The following KCNK2 variants were observed in gnomAD, a reference collection of about 807,000 sequenced individuals.
The protein encoded by KCNK2 is potassium channel subfamily K member 2.
In KCNK2, 21 loss-of-function variants were observed where a neutral mutation model predicts 40.5. The ratio of observed to expected loss-of-function variants is 0.52; its 90% CI spans 0.37 to 0.75. The LOEUF (loss-of-function observed/expected upper bound fraction) is 0.75. KCNK2 is among the 30% of genes least tolerant of loss of function. The pLI is 0.00. For missense variants in KCNK2, 399 were observed against 531.6 expected, an observed-to-expected ratio of 0.75 and a Z score of 2.45; for synonymous variants, 191 against 202.2, an observed-to-expected ratio of 0.94 and a Z score of 0.47.
At chr1:215,205,086 G>A (rs191406693) in intron 6 of KCNK2, among the ~76,000 whole-genome samples, 2 of 152,254 alleles carry the variant, frequency 1.3e-5, no homozygotes, top group East Asian at 3.9e-4. Flanking sequence ...TCCAGCAAAA[G>A]TGCTAGTCAT....
intron 1 of KCNK2, among the ~76,000 whole-genome samples, chr1:215,010,180 A>AAAAACAT (rs1310656687): frequency 6.6e-6 from 1 of 152,228 alleles, no homozygotes; most frequent in Non-Finnish European, 1.5e-5. Context: ...GGTGCAAGAG[A>AAAAACAT]AAAACATATA....
At chr1:215,053,299 T>C (rs12118830) in intron 1 of KCNK2, among the ~76,000 whole-genome samples, 1 of 152,086 alleles carries the variant, frequency 6.6e-6, no homozygotes, top group Non-Finnish European at 1.5e-5. Flanking sequence ...CAGTGACTGA[T>C]GCATCTTCCC....
chr1:215,061,760 A>T (rs1011469785), intron 1 of KCNK2, among the ~76,000 whole-genome samples: 1 of 151,934 alleles, frequency 6.6e-6, no homozygotes, highest in African/African-American at 2.4e-5. Flanking sequence ...TTTTTTTTTA[A>T]AAAAAATTTC....
chr1:215,156,056 G>A (rs1662905237), intron 3 of KCNK2, among the ~76,000 whole-genome samples: 1 of 128,382 alleles, frequency 7.8e-6, no homozygotes, highest in African/African-American at 2.8e-5. Context: ...TATATTATAG[G>A]TAGTCTGTGT....
chr1:215,218,515 TGTC>T (rs1477970826), intron 6 of KCNK2, among the ~76,000 whole-genome samples: 10 of 152,228 alleles, frequency 6.6e-5, no homozygotes, highest in Non-Finnish European at 1.3e-4. Context: ...TTCCTGATGC[TGTC>T]TTCTTTCTCA....
At chr1:215,145,626 A>G (rs1170742056) in intron 3 of KCNK2, among the ~76,000 whole-genome samples, 1 of 152,202 alleles carries the variant, frequency 6.6e-6, no homozygotes, top group Non-Finnish European at 1.5e-5. Context: ...ATATAGTTCT[A>G]TCAGTTTACT....
chr1:215,049,384 T>G, intron 1 of KCNK2, among the ~76,000 whole-genome samples: 1 of 152,168 alleles, frequency 6.6e-6, no homozygotes, highest in Non-Finnish European at 1.5e-5. Context: ...TTATATATTA[T>G]AGATACTAGT....
chr1:215,163,767 G>A lies in KCNK2; in HGVS notation c.476-5432G>A, dbSNP rs904369195. Reference sequence around the variant, plus strand: ...ACCAGACTTGCATCCCAGGGATGAAGCCGACTTGATCGTGGTGGATAAGCT... The same window carrying A: ...ACCAGACTTGCATCCCAGGGATGAAACCGACTTGATCGTGGTGGATAAGCT... On this transcript the variant is annotated intron_variant, in intron 3 of 6. Transcript: ENST00000444842. 2.0e-5 allele frequency among the ~76,000 whole-genome samples: 3 copies of A among 152,290 alleles called. No homozygotes were observed. The East Asian group carries it at 5.8e-4, about 29-fold the overall frequency.
intron 2 of KCNK2, among the ~76,000 whole-genome samples, chr1:215,103,408 A>T (rs1660303804): frequency 6.6e-6 from 1 of 152,060 alleles, no homozygotes; most frequent in African/African-American, 2.4e-5. Context: ...TTTATTTTGT[A>T]TTAAAAATCT....
chr1:215,232,380 A>G (rs1347536783), intron 6 of KCNK2, among the ~76,000 whole-genome samples: 2 of 152,226 alleles, frequency 1.3e-5, no homozygotes, highest in Non-Finnish European at 2.9e-5. Context: ...CAAAATGTTG[A>G]TGACAATTGA....
chr1:215,135,477 T>C (rs1012304980), intron 3 of KCNK2, among the ~76,000 whole-genome samples: 4 of 152,012 alleles, frequency 2.6e-5, no homozygotes, highest in Non-Finnish European at 5.9e-5. Flanking sequence ...TGTAAGCCAA[T>C]ATTATTTTTT....
intron 1 of KCNK2, among the ~76,000 whole-genome samples, chr1:215,058,057 G>A (rs1157267108): frequency 6.6e-6 from 1 of 152,066 alleles, no homozygotes; most frequent in Non-Finnish European, 1.5e-5. Context: ...GAGTGGGAAA[G>A]TAGACTATGA....
Position 215,086,504 on chromosome 1 carries a change from G to C in KCNK2, c.183G>C (p.Thr61=), listed in dbSNP as rs375389536. Residue 61 remains threonine (T), a synonymous_variant, in exon 2 of 7, where the codon ACG becomes ACC. Transcript: ENST00000444842. ...DTTINVMKWK[T]VSTIFLVVVL... ...CCATTAATGTTATGAAATGGAAGAC[G>C]GTCTCCACGATATTCCTGGTGGTTG... 36 of 1,613,988 alleles carry C rather than the reference G, an allele frequency of 2.2e-5. 1 individual carries two copies. The Admixed American group carries it at 3.5e-4, about 16-fold the overall frequency.
At chr1:215,133,128 G>T (rs1661748586) in intron 3 of KCNK2, among the ~76,000 whole-genome samples, 1 of 152,208 alleles carries the variant, frequency 6.6e-6, no homozygotes. Flanking sequence ...TTGCATATTG[G>T]GTAGCAGCAT....
chr1:215,088,815 C>G (rs1659570330), intron 2 of KCNK2, among the ~76,000 whole-genome samples: 1 of 152,164 alleles, frequency 6.6e-6, no homozygotes, highest in Non-Finnish European at 1.5e-5. Context: ...TCTTTATGCT[C>G]TGCATTGGCA....
intron 3 of KCNK2, among the ~76,000 whole-genome samples, chr1:215,144,429 C>G (rs1662324024): frequency 6.6e-6 from 1 of 152,138 alleles, no homozygotes; most frequent in South Asian, 2.1e-4. Flanking sequence ...CACTTGCTTT[C>G]TCTCTCCTGT....
At chr1:215,122,969 C>A (rs886811454) in intron 2 of KCNK2, among the ~76,000 whole-genome samples, 1 of 151,852 alleles carries the variant, frequency 6.6e-6, no homozygotes, top group African/African-American at 2.4e-5. Context: ...TGGTCTCGAT[C>A]TCCTGACCTC....
intron 3 of KCNK2, among the ~76,000 whole-genome samples, chr1:215,164,811 G>C (rs1013320800): frequency 6.6e-6 from 1 of 152,112 alleles, no homozygotes; most frequent in Admixed American, 6.6e-5. Context: ...TCACACGTTT[G>C]TATCAGTCTC....
At chr1:215,036,222 T>G (rs1657379707) in intron 1 of KCNK2, among the ~76,000 whole-genome samples, 1 of 151,802 alleles carries the variant, frequency 6.6e-6, no homozygotes, top group African/African-American at 2.4e-5. Flanking sequence ...GTGTGTATGG[T>G]GAGATAAACA....
Sources: gnomAD v4.1 joint callset for allele counts (sites outside exome capture counted in the v4.1 genomes callset) on GRCh38, gnomAD v4.1.1 for gene constraint, MANE v1.5 for transcripts, NCBI Gene and HGNC (gene_info 2026-07-23, HGNC 2026-07-21) for gene names.